HK1: variants seen among roughly 807,000 people sequenced by gnomAD.
HK1 encodes hexokinase 1.
A neutral mutation model predicts 91.6 loss-of-function variants in HK1; 28 were observed. The observed-to-expected ratio is 0.31, with a 90% CI of 0.23 to 0.42. The LOEUF (loss-of-function observed/expected upper bound fraction) is 0.42. Among genes scored for constraint, HK1 ranks in the 10% least tolerant of loss-of-function variants. The probability of loss-of-function intolerance (pLI) is 1.00; values close to 1 mark genes in which losing one functional copy is unlikely to be tolerated. For synonymous variants in HK1, 430 were observed against 468.1 expected (o/e 0.92, Z 1.05); for missense variants, 770 against 1,219.8 (o/e 0.63, Z 5.49).
rs537211195 is a variant in HK1, at chr10:69,387,862, A to T, written c.1936-1335A>T. On this transcript the variant is annotated intron_variant, in intron 13 of 17. Transcript: ENST00000359426. ...ATTAATTAATGAGGGAGTCAGTAAG[A>T]GACTGTTTTAAATTTTTTTTTTGAC... 1.2e-4 allele frequency among the ~76,000 whole-genome samples: 16 copies of T among 132,530 alleles called. No individual in the cohort carries two copies. The East Asian group carries it at 3.5e-3, about 29-fold the overall frequency. The allele number at this position is 132,530 out of a possible 152,430, so 86.9% of individuals were successfully genotyped here. A position where few individuals can be genotyped will look rare whatever the true frequency, so the allele number is the denominator to read the frequency against.
intron 2 of HK1, among the ~76,000 whole-genome samples, chr10:69,353,304 A>C (rs1392480018): frequency 2.0e-5 from 3 of 152,108 alleles, no homozygotes; most frequent in African/African-American, 7.2e-5. Context: ...AAAACCTAAA[A>C]CAGGCCAGGT....
At chr10:69,293,606 C>T (rs970851848) in intron 3 of HK1, among the ~76,000 whole-genome samples, 3 of 152,134 alleles carry the variant, frequency 2.0e-5, no homozygotes, top group Non-Finnish European at 4.4e-5. Flanking sequence ...TTGGACTGAG[C>T]TCACCTGGAA....
intron 16 of HK1, among the ~76,000 whole-genome samples, chr10:69,395,637 A>T (rs1048840348): frequency 2.0e-5 from 3 of 152,138 alleles, no homozygotes; most frequent in Non-Finnish European, 2.9e-5. Context: ...TTGGGGCATT[A>T]TATTGATTTA....
chr10:69,365,997 A>G (rs1849681627), intron 4 of HK1, among the ~76,000 whole-genome samples: 1 of 151,832 alleles, frequency 6.6e-6, no homozygotes, highest in Non-Finnish European at 1.5e-5. Context: ...TGTCCGGCTA[A>G]TTTTTGTATT....
At chr10:69,392,494 C>T (rs1839943691) in intron 15 of HK1, among the ~76,000 whole-genome samples, 186 bp downstream of exon 15, 1 of 152,144 alleles carries the variant, frequency 6.6e-6, no homozygotes, top group Non-Finnish European at 1.5e-5. Context: ...GGACAGACCC[C>T]CAACATGGTA....
intron 15 of HK1, 151 bp downstream of exon 15, chr10:69,392,459 C>A: frequency 1.3e-6 from 1 of 799,632 alleles, no homozygotes; most frequent in Non-Finnish European, 2.1e-6. Flanking sequence ...TGACCTTTGT[C>A]TTTTGGACAG....
rs1845819997 is a variant in HK1, at chr10:69,300,740, A to G, written c.-66-29A>G. 3.8e-6 allele frequency: 5 copies of G among 1,304,758 alleles called. No individual in the cohort carries two copies. The Admixed American group carries it at 8.6e-5, about 23-fold the overall frequency. The allele number at this position is 1,304,758 out of a possible 1,614,324, so 80.8% of individuals were successfully genotyped here. A position where few individuals can be genotyped will look rare whatever the true frequency, so the allele number is the denominator to read the frequency against. ...AGACGATGACTTTGGAGCATGGCCT[A>G]AGAACCTGGTGTTTGTCTCTCTTTT... On this transcript the variant is annotated intron_variant, in intron 4 of 21. Coordinates refer to the HK1 transcript ENST00000360289.
intron 2 of HK1, among the ~76,000 whole-genome samples, chr10:69,356,991 C>G (rs897197668): frequency 2.6e-5 from 4 of 151,590 alleles, no homozygotes; most frequent in African/African-American, 9.7e-5. Context: ...GAAATGTACT[C>G]AACACCATTA....
At chr10:69,374,755 G>A (rs1214824212) in intron 7 of HK1, among the ~76,000 whole-genome samples, 3 of 152,240 alleles carry the variant, frequency 2.0e-5, no homozygotes, top group African/African-American at 7.2e-5. Flanking sequence ...ATGTAGAAAA[G>A]GGAGCAGATT....
At chr10:69,289,807 G>A in intron 3 of HK1, among the ~76,000 whole-genome samples, 1 of 143,182 alleles carries the variant, frequency 7.0e-6, no homozygotes, top group African/African-American at 2.6e-5. Flanking sequence ...TTTTAACAGA[G>A]ACAAGGTCTT....
chr10:69,350,813 A>C (rs1040924560), intron 2 of HK1, among the ~76,000 whole-genome samples: 1 of 152,158 alleles, frequency 6.6e-6, no homozygotes, highest in Non-Finnish European at 1.5e-5. Context: ...CCCTATGCAC[A>C]AGTGGTTTAT....
At chr10:69,392,063 C>T (rs1216189772) in intron 14 of HK1, 62 bp from the exon 15 acceptor site, 1 of 1,569,780 alleles carries the variant, frequency 6.4e-7, no homozygotes, top group Non-Finnish European at 8.8e-7. Flanking sequence ...AGACCCCAGG[C>T]CCAGTTGCAA....
intron 1 of HK1, among the ~76,000 whole-genome samples, chr10:69,325,740 T>C (rs1030458533): frequency 6.6e-6 from 1 of 151,950 alleles, no homozygotes; most frequent in African/African-American, 2.4e-5. Flanking sequence ...TTTCACCATG[T>C]TGGCCAGGCT....
At chr10:69,317,273 G>A (rs1227847950), upstream of HK1, among the ~76,000 whole-genome samples, 1 of 152,160 alleles carries the variant, frequency 6.6e-6, no homozygotes, top group Non-Finnish European at 1.5e-5. Context: ...ATCAAGGGGA[G>A]GTGAGGTGGG....
chr10:69,351,176 A>AAATT (rs1554818477), intron 2 of HK1, among the ~76,000 whole-genome samples: 3 of 120,396 alleles, frequency 2.5e-5, no homozygotes, highest in Non-Finnish European at 5.0e-5. Flanking sequence ...CTCCGTCTCA[A>AAATT]AATTAAATAA....
Position 69,389,246 on chromosome 10 carries a change from T to C in HK1, c.1985T>C (p.Met662Thr), listed in dbSNP as rs753665352. The change falls in exon 14 of 18, where the codon ATG (methionine) becomes ACG (threonine). Residue 662 changes from methionine (M) to threonine (T), a missense_variant. Transcript: ENST00000359426. ...GTGGTCAACGACACAGTGGGCACCA[T>C]GATGACCTGTGCTTATGAGGAGCCC... is the stretch of plus-strand genomic sequence containing the variant. Reference protein sequence around the residue: ...VAVVNDTVGTMMTCAYEEPTC... With the variant: ...VAVVNDTVGTTMTCAYEEPTC... The C allele has an allele frequency of 6.2e-7, 1 of 1,613,908 alleles. No individual in the cohort carries two copies.
chr10:69,280,848 A>G (rs1844711160), intron 1 of HK1, among the ~76,000 whole-genome samples: 1 of 152,214 alleles, frequency 6.6e-6, no homozygotes, highest in Non-Finnish European at 1.5e-5. Flanking sequence ...GTGGGAGTGG[A>G]ATATGATGTG....
intron 2 of HK1, among the ~76,000 whole-genome samples, chr10:69,286,324 C>A (rs2894080): frequency 6.6e-6 from 1 of 151,878 alleles, no homozygotes; most frequent in South Asian, 2.1e-4. Context: ...ATAGTGAGAT[C>A]CCGTCTCTAC....
chr10:69,385,028 C>T (rs1839568045), intron 12 of HK1, 113 bp downstream of exon 12: 1 of 1,130,934 alleles, frequency 8.8e-7, no homozygotes, highest in Non-Finnish European at 1.3e-6. Context: ...AGATGACAGT[C>T]ACAGTCACAG....
Sources: gnomAD v4.1 joint callset for allele counts (sites outside exome capture counted in the v4.1 genomes callset) on GRCh38, gnomAD v4.1.1 for gene constraint, MANE v1.5 for transcripts, NCBI Gene and HGNC (gene_info 2026-07-23, HGNC 2026-07-21) for gene names.